The following CHRNA5 variants were observed in gnomAD, a reference collection of about 807,000 sequenced individuals.
CHRNA5 encodes the protein cholinergic receptor nicotinic alpha 5 subunit, also known as neuronal acetylcholine receptor subunit alpha-5.
Under a neutral mutation model 41.2 loss-of-function variants are expected in CHRNA5, and 28 were observed. The observed-to-expected ratio is 0.68, with a 90% CI of 0.50 to 0.93. The LOEUF (loss-of-function observed/expected upper bound fraction) is 0.93, where lower values mean the gene tolerates loss of function less well. Among genes scored for constraint, CHRNA5 ranks in the 40% least tolerant of loss-of-function variants. The pLI, the probability that CHRNA5 is intolerant of heterozygous loss-of-function variation, is 0.00. For synonymous variants in CHRNA5, 188 were observed against 205.8 expected (o/e 0.91, Z 0.74); for missense variants, 481 against 581.9 (o/e 0.83, Z 1.78).
At position 78,588,428 on chromosome 15, in the gene CHRNA5, G is replaced by T. The variant is rs1057377353; in HGVS notation, c.413+5G>T. On this transcript the variant is annotated splice_donor_5th_base_variant and intron_variant, in intron 4 of 5. Coordinates refer to ENST00000299565, the Ensembl canonical transcript of CHRNA5. This position sits in a 1 kb window ranked among gnomAD's most constrained non-coding sequence, Gnocchi z 4.1. ...AGACATCGTTTTGTTTGATAAGTAA[G>T]TTATATTCTAAATATAGTTTTATAT... 3.8e-6 allele frequency: 5 copies of T among 1,320,026 alleles called. No homozygotes were observed. Among genetic ancestry groups the T allele is most frequent in the African/African-American group, 1.5e-5 (1 of 67,176 alleles). The allele number at this position is 1,320,026 out of a possible 1,614,324, so 81.8% of individuals were successfully genotyped here.
intron 1 of CHRNA5, among the ~76,000 whole-genome samples, chr15:78,572,577 G>A (rs1457851568): frequency 2.0e-5 from 3 of 151,936 alleles, no homozygotes; most frequent in African/African-American, 4.8e-5. Context: ...TCTGCCTCCC[G>A]GGTTCAAGTG....
At chr15:78,580,691 C>A in intron 1 of CHRNA5, 120 bp from the exon 2 acceptor site, 1 of 667,100 alleles carries the variant, frequency 1.5e-6, no homozygotes. Context: ...GGTTGGAGTG[C>A]AGTGGCCCGA....
At chr15:78,593,149 T>C (rs1266274639) in exon 6 of CHRNA5, 1 of 1,613,482 alleles carries the variant, frequency 6.2e-7, no homozygotes. Context: ...TCTGTGGACT[T>C]TTCTTTTCGT....
At chr15:78,579,285 G>C (rs1010716961) in intron 1 of CHRNA5, among the ~76,000 whole-genome samples, 2 of 151,580 alleles carry the variant, frequency 1.3e-5, no homozygotes, top group Non-Finnish European at 2.9e-5. Flanking sequence ...ACAGAGTCTC[G>C]CTCTGTTGGC....
exon 6 of CHRNA5, chr15:78,593,164 A>T (rs200357731): frequency 3.7e-6 from 6 of 1,613,868 alleles, no homozygotes; most frequent in Non-Finnish European, 5.1e-6. Context: ...TTTCGTTTCA[A>T]TTGTTGGATC....
chr15:78,586,308 T>A lies in CHRNA5; in HGVS notation c.259-337T>A, dbSNP rs145388600. On this transcript the variant is annotated intron_variant, in intron 2 of 5. Transcript: ENST00000299565. ...GTAATTCATTGACAGCCCTTTTTTCTCCTCTTAGTGCTAAGCACATAAAAT... is the reference window on the plus strand; with the variant it reads ...GTAATTCATTGACAGCCCTTTTTTCACCTCTTAGTGCTAAGCACATAAAAT... 4.0e-3 allele frequency among the ~76,000 whole-genome samples: 615 copies of A among 152,340 alleles called. 3 individuals are homozygous for A. Among genetic ancestry groups the A allele is most frequent in the Non-Finnish European group, 5.6e-3 (379 of 68,034 alleles).
chr15:78,570,307 G>C (rs1288466851), intron 1 of CHRNA5, among the ~76,000 whole-genome samples: 9 of 151,624 alleles, frequency 5.9e-5, no homozygotes, highest in Admixed American at 5.9e-4. Context: ...CACCTAGGCT[G>C]GAGTGCAGTG....
intron 2 of CHRNA5, 106 bp downstream of exon 2, chr15:78,581,068 G>A: frequency 8.7e-7 from 1 of 1,153,246 alleles, no homozygotes; most frequent in South Asian, 1.6e-5. Flanking sequence ...GGTGATTGAA[G>A]CAGTCCTTTG....
intron 1 of CHRNA5, among the ~76,000 whole-genome samples, chr15:78,570,114 G>T (rs969799726): frequency 6.6e-6 from 1 of 152,092 alleles, no homozygotes; most frequent in African/African-American, 2.4e-5. Context: ...GAGCCACCGC[G>T]CCTGGCCTGG....
At position 78,587,508 on chromosome 15, in the gene CHRNA5, G is replaced by A. The variant is rs533700526; in HGVS notation, c.304-806G>A. 5.3e-5 allele frequency among the ~76,000 whole-genome samples: 8 copies of A among 152,162 alleles called. No individual in the cohort carries two copies. The South Asian group carries it at 1.7e-3, about 32-fold the overall frequency. On this transcript the variant is annotated intron_variant, in intron 3 of 5. Coordinates refer to ENST00000299565, the Ensembl canonical transcript of CHRNA5. ...GCCTAGTGTGTTTAAGCAGTTGCAA[G>A]GAGGCCAGTGTGGCTAGCAGTGAGA...
At chr15:78,571,115 C>T (rs1419775206) in intron 1 of CHRNA5, among the ~76,000 whole-genome samples, 1 of 152,214 alleles carries the variant, frequency 6.6e-6, no homozygotes, top group East Asian at 1.9e-4. Flanking sequence ...GCATTTCTAA[C>T]AAGCTCCCAG....
At chr15:78,590,107 A>G in exon 5 of CHRNA5, 1 of 1,614,212 alleles carries the variant, frequency 6.2e-7, no homozygotes, top group Non-Finnish European at 8.5e-7. Context: ...TGGTATCCGT[A>G]TGTCACTTAC....
chr15:78,565,707 C>A, exon 1 of CHRNA5: 1 of 1,122,780 alleles, frequency 8.9e-7, no homozygotes, highest in Non-Finnish European at 1.1e-6. Flanking sequence ...CGGTCCCGCG[C>A]GGGCGCGGGG....
intron 4 of CHRNA5, 134 bp from the exon 5 acceptor site, chr15:78,589,671 T>C (rs1455462146): frequency 2.6e-5 from 18 of 691,944 alleles, no homozygotes; most frequent in Non-Finnish European, 4.8e-6. Flanking sequence ...ACGTATATCT[T>C]ATCTGAAGTA....
At chr15:78,572,180 A>G (rs1424011500) in intron 1 of CHRNA5, among the ~76,000 whole-genome samples, 1 of 152,210 alleles carries the variant, frequency 6.6e-6, no homozygotes, top group Non-Finnish European at 1.5e-5. Context: ...AAAGGAAGAT[A>G]TTGGCAGCAC....
chr15:78,581,798 T>C (rs2052915107), intron 2 of CHRNA5, among the ~76,000 whole-genome samples: 2 of 152,210 alleles, frequency 1.3e-5, no homozygotes, highest in African/African-American at 4.8e-5. Flanking sequence ...TGTTACAAAA[T>C]TGGAATAATA....
At chr15:78,572,777 T>C (rs565769) in intron 1 of CHRNA5, among the ~76,000 whole-genome samples, 147,970 of 152,294 alleles carry the variant, frequency 0.97, 72,040 homozygotes, top group East Asian at 1. Context: ...CCACCACACC[T>C]GGCTGGTATA....
chr15:78,580,854 G>T (rs1449551218), exon 2 of CHRNA5: 14 of 1,613,404 alleles, frequency 8.7e-6, no homozygotes, highest in Non-Finnish European at 1.2e-5. Context: ...AAGATAGTTT[G>T]CTTAAGGATT....
intron 1 of CHRNA5, among the ~76,000 whole-genome samples, chr15:78,572,921 G>C (rs900222145): frequency 6.6e-6 from 1 of 152,206 alleles, no homozygotes; most frequent in African/African-American, 2.4e-5. Flanking sequence ...AAGGAGAGGA[G>C]GAGGGAGAAT....
Sources: allele counts gnomAD v4.1 joint callset (sites outside exome capture counted in the v4.1 genomes callset), GRCh38; gene constraint gnomAD v4.1.1; non-coding constraint Gnocchi (gnomAD v3.1); transcripts MANE v1.5; gene names NCBI Gene and HGNC (gene_info 2026-07-23, HGNC 2026-07-21).